GPR137: variants seen among roughly 807,000 people sequenced by gnomAD.
The protein encoded by GPR137 is G protein-coupled receptor 137.
GPR137 carries 20 observed loss-of-function variants against 38.9 expected under a neutral mutation model. The observed-to-expected ratio is 0.51, with a 90% CI of 0.36 to 0.75. The LOEUF (loss-of-function observed/expected upper bound fraction) is 0.75, where lower values mean the gene tolerates loss of function less well. GPR137 is among the 30% of genes least tolerant of loss of function. The pLI, the probability that GPR137 is intolerant of heterozygous loss-of-function variation, is 0.00. For synonymous variants in GPR137, 226 were observed against 235.8 expected (o/e 0.96, Z 0.38); for missense variants, 456 against 526.4 (o/e 0.87, Z 1.31).
At chr11:64,276,945 C>T (rs867352859) in intron 2 of GPR137, 4 of 756,554 alleles carry the variant, frequency 5.3e-6, no homozygotes, top group Admixed American at 3.6e-5. Flanking sequence ...TCTGAGTCAG[C>T]GGCTGGGGCG....
chr11:64,283,793 G>A (rs1565352592), upstream of GPR137, among the ~76,000 whole-genome samples: 1 of 151,410 alleles, frequency 6.6e-6, no homozygotes, highest in South Asian at 2.1e-4. Flanking sequence ...ACTAATAGCT[G>A]CTATATATAT....
chr11:64,285,492 G>A (rs1024582199), upstream of GPR137: 1 of 985,066 alleles, frequency 1.0e-6, no homozygotes, highest in Non-Finnish European at 1.2e-6. Flanking sequence ...GGCTATGGGC[G>A]GAAGTTTTCT....
upstream of GPR137, chr11:64,284,111 C>T (rs549943314): frequency 1.3e-5 from 19 of 1,492,038 alleles, no homozygotes; most frequent in Non-Finnish European, 1.6e-5. Flanking sequence ...CCTGTGGATG[C>T]AACTGGGATG....
upstream of GPR137, among the ~76,000 whole-genome samples, chr11:64,275,404 T>C (rs567255751): frequency 2.0e-5 from 3 of 152,320 alleles, no homozygotes; most frequent in East Asian, 3.9e-4. Flanking sequence ...GCCACATTCC[T>C]GCTCTGACCT....
Position 64,276,411 on chromosome 11 carries a change from C to A in GPR137, c.-26C>A, listed in dbSNP as rs200893105. 1.7e-3 allele frequency: 258 copies of A among 153,210 alleles called. 2 individuals carry two copies. In the South Asian group the frequency reaches 0.023, roughly 14 times the overall value. 9.5% of individuals were successfully genotyped at this position (153,210 alleles called of 1,614,324 possible). ...ATGTGATCTTGGCTCACTGCAACCT[C>A]TGCTCACCAGGTTCAAATGATTCTC... On this transcript the variant is annotated 5_prime_UTR_variant, in exon 2 of 3. Coordinates refer to the GPR137 transcript ENST00000538244.
upstream of GPR137, chr11:64,272,586 G>A (rs989960988): frequency 1.3e-5 from 2 of 152,230 alleles, no homozygotes; most frequent in Admixed American, 6.5e-5. Context: ...AACTGTTGAC[G>A]TTTTTAGGTA....
At chr11:64,273,929 G>A (rs1262671166), upstream of GPR137, among the ~76,000 whole-genome samples, 1 of 149,634 alleles carries the variant, frequency 6.7e-6, no homozygotes, top group Non-Finnish European at 1.5e-5. Context: ...AGATATGTCT[G>A]TCAGGGAGGC....
chr11:64,271,729 C>T, upstream of GPR137: 1 of 1,448,140 alleles, frequency 6.9e-7, no homozygotes, highest in South Asian at 1.4e-5. Flanking sequence ...CTGGGCTCCT[C>T]CCCCATCCCT....
At chr11:64,284,755 G>A (rs1366433430), upstream of GPR137, 2 of 1,535,458 alleles carry the variant, frequency 1.3e-6, no homozygotes, top group East Asian at 2.4e-5. Flanking sequence ...CTCTCGGAAC[G>A]TCACTCGGGT....
At chr11:64,274,013 AGAGGACCT>A (rs1212679091), upstream of GPR137, among the ~76,000 whole-genome samples, 2 of 152,194 alleles carry the variant, frequency 1.3e-5, no homozygotes, top group African/African-American at 4.8e-5. Context: ...TTCTCCCCTC[AGAGGACCT>A]GAGGACCTGG....
At chr11:64,284,767 G>A (rs2033755734), upstream of GPR137, 4 of 1,535,148 alleles carry the variant, frequency 2.6e-6, no homozygotes, top group Non-Finnish European at 3.5e-6. Flanking sequence ...CACTCGGGTA[G>A]GTCCAGAGGC....
At chr11:64,285,245 G>T (rs1445817634), upstream of GPR137, 15 of 987,230 alleles carry the variant, frequency 1.5e-5, no homozygotes, top group Non-Finnish European at 1.8e-5. Context: ...GCGCCATCTC[G>T]GGGGCACTGG....
rs1044867781 is a variant in GPR137, at chr11:64,285,903, C to T, written c.-622C>T. 4 of 971,516 alleles carry T rather than the reference C, an allele frequency of 4.1e-6. No individual in the cohort carries two copies. Among genetic ancestry groups the T allele is most frequent in the Non-Finnish European group, 4.9e-6 (4 of 817,162 alleles). 60.2% of individuals were successfully genotyped at this position (971,516 alleles called of 1,614,324 possible). A position where few individuals can be genotyped will look rare whatever the true frequency, so the allele number is the denominator to read the frequency against. ...CGGGTCCCCACGACCTGAGCCGGCT[C>T]TCCCATCAGCGGCCTGAGGACCTGG... On this transcript the variant is annotated 5_prime_UTR_variant, in exon 1 of 7. Coordinates refer to ENST00000438980, the MANE Select transcript of GPR137 (RefSeq NM_001170880.2).
chr11:64,277,147 G>C lies in GPR137; in HGVS notation c.-16+726G>C, dbSNP rs2033129393. 6.6e-6 allele frequency: 4 copies of C among 606,178 alleles called. No individual in the cohort carries two copies. The Admixed American group carries it at 1.0e-4, about 16-fold the overall frequency. The allele number at this position is 606,178 out of a possible 1,614,324, so 37.5% of individuals were successfully genotyped here. On this transcript the variant is annotated intron_variant, in intron 2 of 2. Coordinates refer to the GPR137 transcript ENST00000538244. ...GTGGTGTTCCAGACCGTTTGGAGCA[G>C]TGAAGCTCTGCCATCAGGCAAGGGC...
At chr11:64,270,705 G>C (rs1239047709), upstream of GPR137, 3 of 508,118 alleles carry the variant, frequency 5.9e-6, no homozygotes, top group South Asian at 4.6e-5. Context: ...TGAAGCGGGA[G>C]GATCCTTTGA....
upstream of GPR137, chr11:64,284,496 T>C: frequency 1.3e-6 from 2 of 1,576,112 alleles, no homozygotes; most frequent in Non-Finnish European, 1.7e-6. Context: ...CCGCCAGGCC[T>C]CCTGGGCCCT....
chr11:64,286,297 C>T lies in GPR137; in HGVS notation c.-228C>T. Reference sequence around the variant, plus strand: ...GTCTGTCCTGGAGAAAAGAGACTGCCCTTCCATGCCCCTGAGTGAGGGGCC... The same window carrying T: ...GTCTGTCCTGGAGAAAAGAGACTGCTCTTCCATGCCCCTGAGTGAGGGGCC... On this transcript the variant is annotated 5_prime_UTR_variant, in exon 1 of 7. Coordinates refer to ENST00000438980, the MANE Select transcript of GPR137 (RefSeq NM_001170880.2). 2.1e-6 allele frequency: 3 copies of T among 1,396,836 alleles called. No homozygotes were observed. The highest frequency in any genetic ancestry group is 1.9e-6 in the Non-Finnish European group (2 of 1,080,656). The allele number at this position is 1,396,836 out of a possible 1,614,324, so 86.5% of individuals were successfully genotyped here.
intron 2 of GPR137, among the ~76,000 whole-genome samples, chr11:64,277,464 GTCTC>G (rs1241050393): frequency 1.3e-5 from 2 of 152,282 alleles, no homozygotes; most frequent in East Asian, 1.9e-4. Context: ...CAGCGACAGG[GTCTC>G]TCTCTGTCAC....
upstream of GPR137, chr11:64,285,509 A>C: frequency 1.0e-6 from 1 of 984,814 alleles, no homozygotes; most frequent in Non-Finnish European, 1.2e-6. Context: ...TTCTTCAGAG[A>C]CCGAGGGACG....
Sources: allele counts gnomAD v4.1 joint callset (sites outside exome capture counted in the v4.1 genomes callset), GRCh38; gene constraint gnomAD v4.1.1; transcripts MANE v1.5; gene names NCBI Gene and HGNC (gene_info 2026-07-23, HGNC 2026-07-21).